Variants in CCNL1 observed in about 807,000 individuals in gnomAD.
The protein encoded by CCNL1 is cyclin L1.
CCNL1 carries 13 observed loss-of-function variants against 60.6 expected under a neutral mutation model. The observed-to-expected ratio is 0.21, with a 90% CI of 0.14 to 0.34. The LOEUF is 0.34. Among genes scored for constraint, CCNL1 ranks in the 10% least tolerant of loss-of-function variants. The pLI is 1.00. For synonymous variants in CCNL1, 270 were observed against 244.3 expected (o/e 1.10, Z -0.98); for missense variants, 481 against 664.3 (o/e 0.72, Z 3.03).
chr3:157,152,868 A>T (rs1318546688), intron 4 of CCNL1, 168 bp downstream of exon 4: 5 of 1,375,666 alleles, frequency 3.6e-6, no homozygotes, highest in Non-Finnish European at 4.7e-6. Context: ...CATTTTACTG[A>T]TAAATCTCAA....
downstream of CCNL1, chr3:157,147,444 G>T: frequency 3.2e-6 from 1 of 308,190 alleles, no homozygotes; most frequent in Non-Finnish European, 4.7e-6. Flanking sequence ...AACTGTTAAA[G>T]CTCAATAGTT....
chr3:157,155,690 A>G (rs1026383852), intron 3 of CCNL1, among the ~76,000 whole-genome samples: 2 of 152,166 alleles, frequency 1.3e-5, no homozygotes, highest in Admixed American at 1.3e-4. Context: ...ATCTCCATCA[A>G]TCAGCAGTAA....
chr3:157,159,388 G>A lies in CCNL1; in HGVS notation c.378+17C>T, dbSNP rs748866304. 2 of 1,612,422 alleles carry A rather than the reference G, an allele frequency of 1.2e-6. No homozygotes were observed. The highest frequency in any genetic ancestry group is 2.2e-5 in the East Asian group (1 of 44,874). ...CCGGATGAAGAAATCCCTTTTACCC[G>A]CCTCCGCTGTGCTTACCTCGAAACT... On this transcript the variant is annotated intron_variant, in intron 2 of 10. Transcript: ENST00000295926.
chr3:157,149,506 G>A lies in CCNL1; in HGVS notation c.1112C>T (p.Ala371Val). 1.9e-6 allele frequency: 3 copies of A among 1,613,924 alleles called. No homozygotes were observed. Among genetic ancestry groups the A allele is most frequent in the South Asian group, 1.1e-5 (1 of 91,070 alleles). The change falls in exon 9 of 11, where the codon GCT becomes GTT. Residue 371 changes from alanine to valine, a missense_variant. Physicochemically the swap from Ala to Val is moderately conservative, Grantham distance 64. This residue lies in a region of CCNL1 where 197 missense variants were observed against 233.9 expected (regional missense o/e 0.84). Transcript: ENST00000295926. ...TCACCCATTGTAAGGGCTTTTGGAA[G>A]CCTGTTGTCTATCCTCAGGTTCTTT... ...VKKEPEDRQQ[A>V]SKSPYNGVRK...
chr3:157,148,166 T>C lies in CCNL1; in HGVS notation c.*75A>G. On this transcript the variant is annotated 3_prime_UTR_variant, in exon 11 of 11. Transcript: ENST00000295926. ...AATCCTAATCAGTTTGCGTTTAATG[T>C]TTTTGATTGAGTCCATACATCACAC... is the stretch of plus-strand genomic sequence containing the variant. 6.6e-7 allele frequency: 1 copy of C among 1,521,694 alleles called. No individual in the cohort carries two copies. The highest frequency in any genetic ancestry group is 8.8e-7 in the Non-Finnish European group (1 of 1,137,556). The allele number at this position is 1,521,694 out of a possible 1,614,324, so 94.3% of individuals were successfully genotyped here.
At chr3:157,145,964 G>A (rs1737773078), downstream of CCNL1, among the ~76,000 whole-genome samples, 1 of 152,050 alleles carries the variant, frequency 6.6e-6, no homozygotes, top group Non-Finnish European at 1.5e-5. Context: ...TAGAGATGAG[G>A]GCTCTCTGGA....
At chr3:157,159,032 T>C in intron 2 of CCNL1, 57 bp from the exon 3 acceptor site, 4 of 1,185,564 alleles carry the variant, frequency 3.4e-6, no homozygotes, top group Non-Finnish European at 4.9e-6. Context: ...CTTTGAAGAA[T>C]AAAATTTAGA....
At chr3:157,144,762 T>C (rs1315697887), downstream of CCNL1, among the ~76,000 whole-genome samples, 2 of 152,246 alleles carry the variant, frequency 1.3e-5, no homozygotes, top group East Asian at 3.8e-4. Flanking sequence ...AATATGTCCA[T>C]GCTTTTAACT....
Position 157,159,053 on chromosome 3 carries a change from G to A in CCNL1, c.379-78C>T, listed in dbSNP as rs1243251562. 8 of 944,580 alleles carry A rather than the reference G, an allele frequency of 8.5e-6. No individual in the cohort carries two copies. The East Asian group carries it at 1.7e-4, about 20-fold the overall frequency. 58.5% of individuals were successfully genotyped at this position (944,580 alleles called of 1,614,324 possible). A position where few individuals can be genotyped will look rare whatever the true frequency, so the allele number is the denominator to read the frequency against. ...AGAATAAAATTTAGAACACAATTGGGACAACCTTTAGTAAAATTAGAGAAG... is the reference window on the plus strand; with the variant it reads ...AGAATAAAATTTAGAACACAATTGGAACAACCTTTAGTAAAATTAGAGAAG... On this transcript the variant is annotated intron_variant, in intron 2 of 10. Transcript: ENST00000295926.
chr3:157,160,121 A>T lies in CCNL1; in HGVS notation c.-27T>A. The T allele has an allele frequency of 6.5e-7, 1 of 1,528,856 alleles. No individual in the cohort carries two copies. Among genetic ancestry groups the T allele is most frequent in the Non-Finnish European group, 8.8e-7 (1 of 1,135,460 alleles). The allele number at this position is 1,528,856 out of a possible 1,614,324, so 94.7% of individuals were successfully genotyped here. On this transcript the variant is annotated 5_prime_UTR_variant, in exon 1 of 11. Transcript: ENST00000295926. ...GTCTTAGCGAGCCGCACGCAAGCCC[A>T]ACGCAGCCGGAACCCGAAACAAGAC...
At chr3:157,150,893 T>C in intron 5 of CCNL1, 1 of 984,098 alleles carries the variant, frequency 1.0e-6, no homozygotes, top group Non-Finnish European at 1.2e-6. Flanking sequence ...CTAAGATACT[T>C]AGAAAATCTA....
chr3:157,159,819 G>A lies in CCNL1; in HGVS notation c.276C>T (p.Ala92=). Residue 92 remains alanine, a synonymous_variant, in exon 1 of 11, where the codon GCC becomes GCT. Coordinates refer to ENST00000295926, the MANE Select transcript of CCNL1 (RefSeq NM_020307.4). ...GCGGCAGCCGGAGGAGAATGCCGGC[G>A]GCCTGGATGAGCTCGCAGCCCAGGA... The part of the protein sequence containing the change: ...LRILGCELIQ[A]AGILLRLPQV... 1.3e-6 allele frequency: 2 copies of A among 1,540,062 alleles called. No individual in the cohort carries two copies. The highest frequency in any genetic ancestry group is 1.8e-6 in the Non-Finnish European group (2 of 1,137,386).
At chr3:157,159,719 G>A in intron 1 of CCNL1, 73 bp downstream of exon 1, 1 of 1,323,216 alleles carries the variant, frequency 7.6e-7, no homozygotes, top group Non-Finnish European at 1.0e-6. Context: ...GGGGCACGGT[G>A]ATACTGAGAT....
Position 157,147,881 on chromosome 3 carries a change from T to C in CCNL1, c.*360A>G. 4 of 1,002,998 alleles carry C rather than the reference T, an allele frequency of 4.0e-6. No homozygotes were observed. The highest frequency in any genetic ancestry group is 4.8e-6 in the Non-Finnish European group (4 of 841,588). 62.1% of individuals were successfully genotyped at this position (1,002,998 alleles called of 1,614,324 possible). On this transcript the variant is annotated 3_prime_UTR_variant, in exon 11 of 11. Coordinates refer to ENST00000295926, the MANE Select transcript of CCNL1 (RefSeq NM_020307.4). Reference sequence around the variant, plus strand: ...ACCAGTGTTAAGAAAGTATTCACCATCATTTAAACAAATAACCACTTAAAT... The same window carrying C: ...ACCAGTGTTAAGAAAGTATTCACCACCATTTAAACAAATAACCACTTAAAT...
At chr3:157,153,913 C>T (rs1738394874) in intron 3 of CCNL1, 1 of 152,156 alleles carries the variant, frequency 6.6e-6, no homozygotes, top group Admixed American at 6.5e-5. Context: ...GTATTTAAAA[C>T]TCCACGTGAC....
chr3:157,149,986 G>GCAA lies in CCNL1; in HGVS notation c.880-10_880-9insTTG. 6.5e-7 allele frequency: 1 copy of GCAA among 1,535,732 alleles called. No individual in the cohort carries two copies. The highest frequency in any genetic ancestry group is 8.8e-7 in the Non-Finnish European group (1 of 1,140,610). On this transcript the variant is annotated splice_polypyrimidine_tract_variant and intron_variant, in intron 7 of 10. Transcript: ENST00000295926. ...AGTAATTCATAGTTTGGCTGTTGGA[G>GCAA]GAAAAAAAAGTTAGTATTTCTTCCT...
At chr3:157,159,225 T>A in intron 2 of CCNL1, 180 bp downstream of exon 2, 1 of 659,968 alleles carries the variant, frequency 1.5e-6, no homozygotes, top group Non-Finnish European at 2.6e-6. Context: ...AGAGGGCACT[T>A]AGGCTCGTGA....
intron 3 of CCNL1, 154 bp from the exon 4 acceptor site, chr3:157,153,310 C>A: frequency 1.6e-6 from 1 of 627,376 alleles, no homozygotes. Context: ...TTGTGCTGTC[C>A]AAGTTATGCT....
intron 4 of CCNL1, chr3:157,152,779 CT>C: frequency 1.7e-6 from 2 of 1,205,436 alleles, no homozygotes; most frequent in Non-Finnish European, 2.1e-6. Context: ...AAAACTGGGA[CT>C]TTAACCACAG....
Sources: allele counts gnomAD v4.1 joint callset (sites outside exome capture counted in the v4.1 genomes callset), GRCh38; gene constraint gnomAD v4.1.1; regional missense constraint gnomAD v4.1.1; transcripts MANE v1.5; gene names NCBI Gene and HGNC (gene_info 2026-07-23, HGNC 2026-07-21).